COL9A1: variants seen among roughly 807,000 people sequenced by gnomAD.
COL9A1 encodes collagen alpha-1(IX) chain.
In COL9A1, 104 loss-of-function variants were observed where a neutral mutation model predicts 142.6. That is an observed-to-expected ratio of 0.73 (90% CI 0.62 to 0.86). COL9A1 has a LOEUF of 0.86. Ranked by LOEUF, COL9A1 falls within the 40% of genes least tolerant of loss-of-function variation. The pLI is 0.00. For synonymous variants in COL9A1, 466 were observed against 396.0 expected, an observed-to-expected ratio of 1.18 and a Z score of -2.10; for missense variants, 1,210 against 1,176.6, an observed-to-expected ratio of 1.03 and a Z score of -0.42.
At chr6:70,290,738 T>A (rs1336668858) in intron 5 of COL9A1, among the ~76,000 whole-genome samples, 1 of 152,138 alleles carries the variant, frequency 6.6e-6, no homozygotes, top group Non-Finnish European at 1.5e-5. Flanking sequence ...TTAGAAGGGA[T>A]ATTTTGCTTT....
chr6:70,233,059 A>G (rs1769660225), intron 35 of COL9A1, among the ~76,000 whole-genome samples: 1 of 152,152 alleles, frequency 6.6e-6, no homozygotes, highest in Non-Finnish European at 1.5e-5. Context: ...CAAAAATCTT[A>G]AACTACAGGC....
chr6:70,236,530 T>A (rs1189664411), intron 33 of COL9A1, among the ~76,000 whole-genome samples: 2 of 152,216 alleles, frequency 1.3e-5, no homozygotes, highest in Admixed American at 6.5e-5. Flanking sequence ...TTCATATGCA[T>A]CATTTATCTA....
chr6:70,224,462 T>C (rs1769098337), intron 37 of COL9A1, among the ~76,000 whole-genome samples: 2 of 152,262 alleles, frequency 1.3e-5, no homozygotes, highest in Admixed American at 6.5e-5. Context: ...TAAACCATAA[T>C]ACATTTTCAA....
chr6:70,287,213 G>A (rs982541368), intron 5 of COL9A1, among the ~76,000 whole-genome samples: 1 of 152,164 alleles, frequency 6.6e-6, no homozygotes, highest in African/African-American at 2.4e-5. Context: ...CAAGTCCCAA[G>A]GGTAGGAAGT....
intron 20 of COL9A1, among the ~76,000 whole-genome samples, chr6:70,259,698 C>G (rs1771548025): frequency 2.0e-5 from 3 of 152,156 alleles, no homozygotes; most frequent in Admixed American, 1.3e-4. Context: ...ACCACTGGCT[C>G]TCAGATTCAT....
At chr6:70,246,028 G>C (rs780238781) in intron 28 of COL9A1, 2 of 152,174 alleles carry the variant, frequency 1.3e-5, no homozygotes, top group South Asian at 4.2e-4. Context: ...TGCCACATAC[G>C]TCCCCAACAA....
At chr6:70,296,535 T>C (rs993415279) in intron 4 of COL9A1, among the ~76,000 whole-genome samples, 1 of 152,176 alleles carries the variant, frequency 6.6e-6, no homozygotes, top group Non-Finnish European at 1.5e-5. Flanking sequence ...ATCAATCAGT[T>C]TGTCATATTT....
At chr6:70,301,297 C>A (rs950252677) in intron 2 of COL9A1, among the ~76,000 whole-genome samples, 1 of 152,062 alleles carries the variant, frequency 6.6e-6, no homozygotes, top group Non-Finnish European at 1.5e-5. Context: ...AAGCATAGGC[C>A]CGGCGCTGTG....
At chr6:70,263,872 A>G (rs1771852288) in intron 18 of COL9A1, among the ~76,000 whole-genome samples, 1 of 151,958 alleles carries the variant, frequency 6.6e-6, no homozygotes, top group African/African-American at 2.4e-5. Flanking sequence ...CTCTAAAAAT[A>G]TACATTTATT....
intron 14 of COL9A1, 43 bp from the exon 15 acceptor site, chr6:70,270,410 C>G: frequency 6.4e-7 from 1 of 1,566,808 alleles, no homozygotes; most frequent in Non-Finnish European, 8.8e-7. Flanking sequence ...ATACATGTGT[C>G]AAAACACAGT....
intron 32 of COL9A1, 49 bp downstream of exon 32, chr6:70,240,622 ATATATATACTTCTAACAG>A: frequency 9.6e-7 from 1 of 1,043,676 alleles, no homozygotes; most frequent in Non-Finnish European, 1.5e-6. Flanking sequence ...TTAGAAGTAT[ATATATATACTTCTAACAG>A]TTCAAAATTG....
intron 10 of COL9A1, chr6:70,280,595 A>G (rs1773083488): frequency 7.6e-7 from 1 of 1,319,834 alleles, no homozygotes; most frequent in Admixed American, 2.9e-5. Context: ...AGGAAATGCC[A>G]ACGCCTCCTA....
At chr6:70,223,603 C>G (rs374772995) in intron 37 of COL9A1, among the ~76,000 whole-genome samples, 1 of 152,210 alleles carries the variant, frequency 6.6e-6, no homozygotes, top group African/African-American at 2.4e-5. Flanking sequence ...ACGGTGTCAA[C>G]AAGAGAATGT....
intron 23 of COL9A1, 56 bp downstream of exon 23, chr6:70,255,094 A>G (rs1472490505): frequency 3.1e-6 from 5 of 1,613,144 alleles, no homozygotes; most frequent in Non-Finnish European, 4.2e-6. Flanking sequence ...CTAAAGTTTC[A>G]TTGCAAGTCA....
chr6:70,295,897 T>C (rs1773833667), intron 4 of COL9A1, among the ~76,000 whole-genome samples: 1 of 152,212 alleles, frequency 6.6e-6, no homozygotes, highest in Non-Finnish European at 1.5e-5. Context: ...CTAGGCAAAC[T>C]AAATGCTAAT....
chr6:70,253,220 A>T, intron 26 of COL9A1, 165 bp downstream of exon 26: 1 of 538,196 alleles, frequency 1.9e-6, no homozygotes, highest in Non-Finnish European at 3.4e-6. Context: ...TTCTGTAGCT[A>T]GGAAAAAGAT....
intron 1 of COL9A1, 128 bp from the exon 2 acceptor site, chr6:70,302,202 T>TTA: frequency 1.9e-6 from 1 of 533,314 alleles, no homozygotes; most frequent in Non-Finnish European, 3.3e-6. Flanking sequence ...TTTTTTTCAT[T>TTA]TCTTTTTTTT....
chr6:70,226,942 T>C (rs1326865683), intron 36 of COL9A1, among the ~76,000 whole-genome samples: 2 of 152,090 alleles, frequency 1.3e-5, no homozygotes, highest in African/African-American at 2.4e-5. Context: ...AGATATTAAA[T>C]CAACTAAAAT....
rs200223246 is a variant in COL9A1 at position 70,263,312 on chromosome 6, G to C, written c.1342-15C>G. 8.9e-5 allele frequency: 142 copies of C among 1,603,488 alleles called. No homozygotes were observed. Among genetic ancestry groups the C allele is most frequent in the Non-Finnish European group, 1.2e-4 (139 of 1,174,628 alleles). On this transcript the variant is annotated splice_polypyrimidine_tract_variant and intron_variant, in intron 18 of 37. Coordinates refer to ENST00000357250, the MANE Select transcript of COL9A1 (RefSeq NM_001851.6). ...CCTTCTTCACCCTAAAGAAAAAAAA[G>C]AAAAAAGAAAAGCACACCAAATGTT...
Sources: gnomAD v4.1 joint callset for allele counts (sites outside exome capture counted in the v4.1 genomes callset) on GRCh38, gnomAD v4.1.1 for gene constraint, MANE v1.5 for transcripts, NCBI Gene and HGNC (gene_info 2026-07-23, HGNC 2026-07-21) for gene names.